MORN5: variants seen among roughly 807,000 people sequenced by gnomAD.
MORN5 encodes the protein MORN repeat-containing protein 5.
MORN5 carries 21 observed loss-of-function variants against 22.1 expected under a neutral mutation model. That is an observed-to-expected ratio of 0.95 (90% CI 0.67 to 1.37). MORN5 has a LOEUF of 1.37. Ranked by LOEUF, MORN5 falls within the 40% of genes most tolerant of loss-of-function variation. MORN5 has a pLI of 0.00. For missense variants in MORN5, 211 were observed against 215.1 expected (o/e 0.98, Z 0.12); for synonymous variants, 73 against 74.0 (o/e 0.99, Z 0.07).
At chr9:122,172,267 A>G (rs1250989320) in intron 3 of MORN5, among the ~76,000 whole-genome samples, 2 of 151,278 alleles carry the variant, frequency 1.3e-5, no homozygotes, top group African/African-American at 4.9e-5. Flanking sequence ...GGCCGCTTAC[A>G]TCTTTTAAAG....
intron 3 of MORN5, among the ~76,000 whole-genome samples, chr9:122,169,963 C>A (rs574984063): frequency 3.5e-4 from 54 of 152,290 alleles, no homozygotes; most frequent in African/African-American, 1.1e-3. Context: ...GGACCATGGG[C>A]AAGGGACTTT....
At chr9:122,196,986 ATTAT>A (rs567754997) in intron 4 of MORN5, among the ~76,000 whole-genome samples, 86 of 152,320 alleles carry the variant, frequency 5.6e-4, no homozygotes, top group African/African-American at 1.8e-3. Context: ...CTGGCACATA[ATTAT>A]TTGTTAAATG....
intron 4 of MORN5, among the ~76,000 whole-genome samples, chr9:122,196,616 C>T (rs984067944): frequency 6.6e-6 from 1 of 151,050 alleles, no homozygotes; most frequent in Non-Finnish European, 1.5e-5. Flanking sequence ...CAGGCGTAAG[C>T]CACCGCGCCC....
At chr9:122,175,166 C>T (rs1281628214) in intron 4 of MORN5, among the ~76,000 whole-genome samples, 4 of 152,152 alleles carry the variant, frequency 2.6e-5, no homozygotes, top group African/African-American at 9.7e-5. Context: ...AATCCCGAAG[C>T]GGTTAGTCAG....
intron 4 of MORN5, among the ~76,000 whole-genome samples, chr9:122,177,107 G>A (rs573226001): frequency 6.6e-6 from 1 of 152,336 alleles, no homozygotes; most frequent in South Asian, 2.1e-4. Context: ...AGACCAGCTG[G>A]GGCTTGCTCC....
At chr9:122,185,783 C>T (rs1355475762) in intron 4 of MORN5, among the ~76,000 whole-genome samples, 1 of 152,196 alleles carries the variant, frequency 6.6e-6, no homozygotes, top group Non-Finnish European at 1.5e-5. Context: ...CAACCCCACA[C>T]AGACTGTCTG....
chr9:122,177,340 C>T (rs548571944), intron 4 of MORN5, among the ~76,000 whole-genome samples: 132 of 152,340 alleles, frequency 8.7e-4, no homozygotes, highest in African/African-American at 3.0e-3. Flanking sequence ...AACAAGGAGC[C>T]GGCTGGCAAA....
chr9:122,181,628 GT>G (rs1393758066), intron 4 of MORN5, among the ~76,000 whole-genome samples: 1 of 152,210 alleles, frequency 6.6e-6, no homozygotes, highest in Non-Finnish European at 1.5e-5. Flanking sequence ...GCTGAGAGAG[GT>G]GAGAGAGATG....
intron 1 of MORN5, chr9:122,164,764 GGAATT>G: frequency 5.0e-6 from 1 of 198,902 alleles, no homozygotes; most frequent in Non-Finnish European, 8.9e-6. Flanking sequence ...AAGGAGAAGA[GGAATT>G]CTCCCTTCCC....
chr9:122,175,175 A>C (rs1354958391), intron 4 of MORN5, among the ~76,000 whole-genome samples: 1 of 152,242 alleles, frequency 6.6e-6, no homozygotes, highest in East Asian at 1.9e-4. Flanking sequence ...GCGGTTAGTC[A>C]GAGAAGGTTT....
chr9:122,199,094 G>C (rs1261380153), intron 4 of MORN5, among the ~76,000 whole-genome samples: 2 of 152,130 alleles, frequency 1.3e-5, no homozygotes, highest in Non-Finnish European at 2.9e-5. Context: ...CTTGCACAGA[G>C]AGATGATGGC....
chr9:122,182,067 C>T (rs1040312440), intron 4 of MORN5, among the ~76,000 whole-genome samples: 1 of 152,292 alleles, frequency 6.6e-6, no homozygotes, highest in South Asian at 2.1e-4. Flanking sequence ...AAATGAGGTG[C>T]TGCTGAAACT....
intron 4 of MORN5, 62 bp downstream of exon 4, chr9:122,174,689 G>A (rs1344532184): frequency 3.1e-6 from 5 of 1,611,868 alleles, no homozygotes; most frequent in Non-Finnish European, 4.2e-6. Context: ...ATGTGCATCT[G>A]TATGTACAAA....
chr9:122,163,591 G>A (rs974728156), intron 1 of MORN5, among the ~76,000 whole-genome samples: 4 of 152,228 alleles, frequency 2.6e-5, no homozygotes, highest in African/African-American at 4.8e-5. Context: ...AACAGCATGA[G>A]CAATAGCCCA....
intron 3 of MORN5, among the ~76,000 whole-genome samples, chr9:122,173,324 C>G (rs1395213556): frequency 6.6e-6 from 1 of 152,232 alleles, no homozygotes; most frequent in African/African-American, 2.4e-5. Flanking sequence ...GCCCCGCGAC[C>G]TCTTCGAGCA....
chr9:122,190,634 C>G (rs1235043959), intron 4 of MORN5, among the ~76,000 whole-genome samples: 1 of 152,264 alleles, frequency 6.6e-6, no homozygotes, highest in Non-Finnish European at 1.5e-5. Context: ...CAGCCCTCCA[C>G]CCAGCCCAGA....
At chr9:122,176,622 G>A (rs1829456204) in intron 4 of MORN5, among the ~76,000 whole-genome samples, 1 of 152,212 alleles carries the variant, frequency 6.6e-6, no homozygotes, top group East Asian at 1.9e-4. Context: ...GCTCATGCCT[G>A]TAATCCCAGC....
intron 1 of MORN5, among the ~76,000 whole-genome samples, chr9:122,165,011 G>T (rs903714995): frequency 2.0e-5 from 3 of 152,126 alleles, no homozygotes; most frequent in African/African-American, 7.2e-5. Context: ...TTCCTTTAAA[G>T]AAGCTTTTCT....
At chr9:122,190,443 G>A (rs1250464722) in intron 4 of MORN5, among the ~76,000 whole-genome samples, 1 of 152,218 alleles carries the variant, frequency 6.6e-6, no homozygotes, top group Non-Finnish European at 1.5e-5. Context: ...CCTACAATTG[G>A]ATTTCAAGTG....
Sources: allele counts gnomAD v4.1 joint callset (sites outside exome capture counted in the v4.1 genomes callset), GRCh38; gene constraint gnomAD v4.1.1; transcripts MANE v1.5; gene names NCBI Gene and HGNC (gene_info 2026-07-23, HGNC 2026-07-21).